Variants in FSTL5 observed in about 807,000 individuals in gnomAD.
The protein encoded by FSTL5 is follistatin like 5, also known as follistatin-related protein 5.
FSTL5 carries 62 observed loss-of-function variants against 89.1 expected under a neutral mutation model. The observed-to-expected ratio is 0.70, with a 90% CI of 0.57 to 0.86. The LOEUF (loss-of-function observed/expected upper bound fraction) is 0.86, where lower values mean the gene tolerates loss of function less well. Ranked by LOEUF, FSTL5 falls within the 40% of genes least tolerant of loss-of-function variation. The probability of loss-of-function intolerance (pLI) is 0.00; values close to 1 mark genes in which losing one functional copy is unlikely to be tolerated. For missense variants in FSTL5, 1,057 were observed against 1,001.6 expected (o/e 1.06, Z -0.75); for synonymous variants, 383 against 346.2 (o/e 1.11, Z -1.18).
At chr4:161,628,014 A>G (rs1317484260) in intron 7 of FSTL5, among the ~76,000 whole-genome samples, 1 of 152,160 alleles carries the variant, frequency 6.6e-6, no homozygotes, top group Non-Finnish European at 1.5e-5. Flanking sequence ...AAATAGTACA[A>G]TTTTGGAACC....
intron 3 of FSTL5, among the ~76,000 whole-genome samples, chr4:162,007,742 T>C (rs1489697141): frequency 6.6e-6 from 1 of 151,862 alleles, no homozygotes; most frequent in Non-Finnish European, 1.5e-5. Context: ...GGTAAATGTA[T>C]CATGGCACAT....
intron 6 of FSTL5, among the ~76,000 whole-genome samples, chr4:161,705,730 G>A (rs1363891601): frequency 6.6e-6 from 1 of 151,042 alleles, no homozygotes; most frequent in Admixed American, 6.6e-5. Context: ...CAGAGTTATT[G>A]TGAATACCAA....
At chr4:161,774,545 G>A (rs947460787) in intron 5 of FSTL5, among the ~76,000 whole-genome samples, 1 of 152,050 alleles carries the variant, frequency 6.6e-6, no homozygotes, top group Admixed American at 6.6e-5. Context: ...TCCAAATCCA[G>A]ACCAGATCGA....
chr4:161,963,146 A>G (rs1735228203), intron 3 of FSTL5, among the ~76,000 whole-genome samples: 1 of 151,994 alleles, frequency 6.6e-6, no homozygotes, highest in Non-Finnish European at 1.5e-5. Flanking sequence ...AAATAAGAAT[A>G]CCATGGAAAA....
chr4:161,461,564 G>A (rs954290384), intron 13 of FSTL5, among the ~76,000 whole-genome samples: 6 of 151,066 alleles, frequency 4.0e-5, no homozygotes, highest in African/African-American at 1.5e-4. Flanking sequence ...ACCTTGAGTT[G>A]CTACACAAAC....
intron 7 of FSTL5, among the ~76,000 whole-genome samples, chr4:161,650,315 TCACGTAAATAAA>T (rs1288933960): frequency 2.0e-5 from 3 of 152,184 alleles, no homozygotes; most frequent in East Asian, 3.9e-4. Context: ...CTATTGAGTT[TCACGTAAATAAA>T]GTGCCAAACT....
chr4:161,724,901 A>G (rs1354754321), intron 6 of FSTL5, among the ~76,000 whole-genome samples: 1 of 152,186 alleles, frequency 6.6e-6, no homozygotes, highest in Non-Finnish European at 1.5e-5. Context: ...GTTTAGAATA[A>G]TCCTGAAAAT....
chr4:162,005,427 T>A (rs1234629244), intron 3 of FSTL5, among the ~76,000 whole-genome samples: 1 of 152,124 alleles, frequency 6.6e-6, no homozygotes, highest in Admixed American at 6.6e-5. Flanking sequence ...ACCTATATTA[T>A]TGCATTATTT....
intron 3 of FSTL5, among the ~76,000 whole-genome samples, chr4:161,981,097 A>T (rs576242021): frequency 3.9e-5 from 6 of 152,186 alleles, no homozygotes; most frequent in African/African-American, 1.4e-4. Context: ...CATATATGTA[A>T]CCTTCATTCT....
chr4:161,835,354 A>G, intron 4 of FSTL5, among the ~76,000 whole-genome samples: 1 of 152,170 alleles, frequency 6.6e-6, no homozygotes, highest in East Asian at 1.9e-4. Context: ...AAAACCCTAG[A>G]AGAAAACCTA....
intron 3 of FSTL5, among the ~76,000 whole-genome samples, chr4:161,962,438 A>T (rs1735208084): frequency 6.6e-6 from 1 of 152,024 alleles, no homozygotes; most frequent in Non-Finnish European, 1.5e-5. Context: ...CTTCTATCGT[A>T]ACCATCTGGA....
At chr4:161,755,502 C>T (rs775248608) in intron 6 of FSTL5, among the ~76,000 whole-genome samples, 1 of 151,946 alleles carries the variant, frequency 6.6e-6, no homozygotes, top group Non-Finnish European at 1.5e-5. Context: ...ACCTTTGTAT[C>T]GACCAGAAAA....
At chr4:161,667,834 G>A (rs1736956664) in intron 6 of FSTL5, among the ~76,000 whole-genome samples, 1 of 151,862 alleles carries the variant, frequency 6.6e-6, no homozygotes. Context: ...ATGCAAAGAT[G>A]GAAGGACTTC....
chr4:162,001,598 T>TTGTGTGTGTGTGTG (rs34546507), intron 3 of FSTL5, among the ~76,000 whole-genome samples: 46 of 150,034 alleles, frequency 3.1e-4, no homozygotes, highest in South Asian at 3.0e-3. Context: ...GATACATGCA[T>TTGTGTGTGTGTGTG]TGTGTGTGTG....
chr4:161,443,633 T>C (rs1022791494), intron 15 of FSTL5, among the ~76,000 whole-genome samples: 1 of 151,974 alleles, frequency 6.6e-6, no homozygotes, highest in African/African-American at 2.4e-5. Flanking sequence ...TGTTTACAAC[T>C]GATGTAAGGT....
At chr4:161,998,781 C>A (rs1736375861) in intron 3 of FSTL5, among the ~76,000 whole-genome samples, 1 of 151,794 alleles carries the variant, frequency 6.6e-6, no homozygotes, top group Non-Finnish European at 1.5e-5. Context: ...TCCTGCTATA[C>A]AAAAGGAATT....
intron 10 of FSTL5, among the ~76,000 whole-genome samples, chr4:161,510,637 C>G (rs1273663090): frequency 6.6e-6 from 1 of 151,630 alleles, no homozygotes. Flanking sequence ...TTGATATAGC[C>G]AATTCTTATT....
chr4:162,036,193 C>A (rs1456410474), intron 2 of FSTL5, among the ~76,000 whole-genome samples: 1 of 152,110 alleles, frequency 6.6e-6, no homozygotes, highest in Admixed American at 6.6e-5. Flanking sequence ...GAACTTCAGA[C>A]TCACTTATTC....
At chr4:161,523,742 T>C (rs1731111678) in intron 10 of FSTL5, among the ~76,000 whole-genome samples, 1 of 152,186 alleles carries the variant, frequency 6.6e-6, no homozygotes, top group Non-Finnish European at 1.5e-5. Flanking sequence ...CAATTTGTCT[T>C]ATAAACTTTG....
Sources: gnomAD v4.1 joint callset for allele counts (sites outside exome capture counted in the v4.1 genomes callset) on GRCh38, gnomAD v4.1.1 for gene constraint, MANE v1.5 for transcripts, NCBI Gene and HGNC (gene_info 2026-07-23, HGNC 2026-07-21) for gene names.